Variants in TSHZ2 observed in about 807,000 individuals in gnomAD.
The protein encoded by TSHZ2 is teashirt homolog 2.
In TSHZ2, 21 loss-of-function variants were observed where a neutral mutation model predicts 74.4. The ratio of observed to expected loss-of-function variants is 0.28; its 90% confidence interval spans 0.20 to 0.41. The LOEUF is 0.41. Among genes scored for constraint, TSHZ2 ranks in the 10% least tolerant of loss-of-function variants. TSHZ2 has a pLI of 1.00. For synonymous variants in TSHZ2, 540 were observed against 515.3 expected (o/e 1.05, Z -0.65); for missense variants, 1,244 against 1,293.5 (o/e 0.96, Z 0.59).
chr20:53,468,688 C>CAAAAAAAAAA (rs1158529552), intron 2 of TSHZ2, among the ~76,000 whole-genome samples: 107 of 65,050 alleles, frequency 1.6e-3, no homozygotes, highest in Middle Eastern at 0.014. Flanking sequence ...CATTACGAGA[C>CAAAAAAAAAA]AAAAAAAAAA....
chr20:53,269,892 T>C (rs934779928), intron 2 of TSHZ2, among the ~76,000 whole-genome samples: 1 of 152,224 alleles, frequency 6.6e-6, no homozygotes, highest in Non-Finnish European at 1.5e-5. Context: ...TTAATTATAT[T>C]ATCAGTAACA....
intron 1 of TSHZ2, among the ~76,000 whole-genome samples, chr20:53,011,799 G>A (rs1273623190): frequency 1.3e-5 from 2 of 152,194 alleles, no homozygotes; most frequent in Non-Finnish European, 2.9e-5. Flanking sequence ...CCCCACAGCT[G>A]CCTTTGGAAG....
chr20:53,251,879 G>A (rs1023584739), intron 1 of TSHZ2, among the ~76,000 whole-genome samples: 4 of 152,068 alleles, frequency 2.6e-5, no homozygotes, highest in Admixed American at 6.5e-5. Flanking sequence ...TCTTCATTAG[G>A]TTGGCAATAC....
At chr20:53,050,036 G>T (rs1984368646) in intron 1 of TSHZ2, among the ~76,000 whole-genome samples, 1 of 148,460 alleles carries the variant, frequency 6.7e-6, no homozygotes, top group South Asian at 2.1e-4. Context: ...AGCTGAGATT[G>T]TGCCACTGCA....
chr20:53,099,935 T>G (rs990356218), intron 1 of TSHZ2, among the ~76,000 whole-genome samples: 43 of 152,304 alleles, frequency 2.8e-4, no homozygotes, highest in African/African-American at 8.9e-4. Context: ...CCTGGTCCTA[T>G]CATGATAATG....
intron 1 of TSHZ2, among the ~76,000 whole-genome samples, chr20:53,066,700 G>A (rs1394284786): frequency 1.3e-5 from 2 of 152,140 alleles, no homozygotes; most frequent in African/African-American, 2.4e-5. Context: ...TAGAGACGGG[G>A]TTTCACCATG....
chr20:53,244,470 T>C (rs568429297), intron 1 of TSHZ2, among the ~76,000 whole-genome samples: 1 of 152,304 alleles, frequency 6.6e-6, no homozygotes, highest in East Asian at 1.9e-4. Flanking sequence ...GTAAGGATAA[T>C]GTAAGGATAA....
intron 1 of TSHZ2, among the ~76,000 whole-genome samples, chr20:53,151,329 A>C (rs560959314): frequency 1.3e-5 from 2 of 152,356 alleles, no homozygotes; most frequent in East Asian, 3.9e-4. Context: ...TAATGGGTGT[A>C]GCTAAAGCTT....
At position 53,008,509 on chromosome 20, in the gene TSHZ2, T is replaced by C. The variant is rs144068905; in HGVS notation, c.40+35176T>C. On this transcript the variant is annotated intron_variant, in intron 1 of 2. Coordinates refer to ENST00000371497, the MANE Select transcript of TSHZ2 (RefSeq NM_173485.6). Reference sequence around the variant, plus strand: ...AGTCAGAAAAGAGAACTTTGGGGGATTGGATATTTTCAGCAAAGGGGCAAA... The same window carrying C: ...AGTCAGAAAAGAGAACTTTGGGGGACTGGATATTTTCAGCAAAGGGGCAAA... Among the ~76,000 whole-genome samples the C allele has an allele frequency of 4.5e-3, 687 of 152,000 alleles. 4 individuals are homozygous for C. The highest frequency in any genetic ancestry group is 0.016 in the African/African-American group (652 of 41,446).
At chr20:53,349,839 A>G (rs1344492672) in intron 2 of TSHZ2, among the ~76,000 whole-genome samples, 2 of 152,198 alleles carry the variant, frequency 1.3e-5, no homozygotes, top group Admixed American at 1.3e-4. Context: ...AAAGAAAACA[A>G]ATTCATTATC....
At chr20:53,422,715 C>G (rs1186021218) in intron 2 of TSHZ2, among the ~76,000 whole-genome samples, 1 of 151,910 alleles carries the variant, frequency 6.6e-6, no homozygotes, top group Non-Finnish European at 1.5e-5. Flanking sequence ...AATCTCGAGT[C>G]CAAAAAAATA....
chr20:53,155,759 G>T (rs1174303127), intron 1 of TSHZ2, among the ~76,000 whole-genome samples: 1 of 152,030 alleles, frequency 6.6e-6, no homozygotes, highest in Non-Finnish European at 1.5e-5. Context: ...TCAGGAGATG[G>T]GTTACCTGGT....
chr20:53,444,100 A>G (rs1158371214), intron 2 of TSHZ2, among the ~76,000 whole-genome samples: 1 of 152,164 alleles, frequency 6.6e-6, no homozygotes, highest in Non-Finnish European at 1.5e-5. Flanking sequence ...CAGGATGAGA[A>G]GTCACCCTAT....
intron 2 of TSHZ2, among the ~76,000 whole-genome samples, chr20:53,425,793 G>A (rs530536495): frequency 2.7e-4 from 39 of 146,292 alleles, no homozygotes; most frequent in Non-Finnish European, 5.2e-4. Flanking sequence ...GTCATAAAAC[G>A]TTCTTTTGTT....
chr20:53,494,856 T>C lies in TSHZ2; in HGVS notation c.*7721T>C, dbSNP rs1986543603. 1.3e-5 allele frequency: 2 copies of C among 152,264 alleles called. No homozygotes were observed. The highest frequency in any genetic ancestry group is 4.1e-4 in the South Asian group (2 of 4,830). The allele number at this position is 152,264 out of a possible 1,614,324, so 9.4% of individuals were successfully genotyped here. A position where few individuals can be genotyped will look rare whatever the true frequency, so the allele number is the denominator to read the frequency against. ...TGTTGAAAAAAAAAAAGTCTCTTTT[T>C]TTTCCCCCACTCAGCAGTTATTGGA... On this transcript the variant is annotated 3_prime_UTR_variant, in exon 3 of 3. Coordinates refer to ENST00000371497, the MANE Select transcript of TSHZ2 (RefSeq NM_173485.6).
intron 2 of TSHZ2, among the ~76,000 whole-genome samples, chr20:53,296,646 G>A (rs1991386304): frequency 6.6e-6 from 1 of 152,060 alleles, no homozygotes; most frequent in African/African-American, 2.4e-5. Flanking sequence ...TTCTTCCTTG[G>A]TCTGAGGTCA....
chr20:53,134,258 T>G (rs1458988637), intron 1 of TSHZ2, among the ~76,000 whole-genome samples: 1 of 152,226 alleles, frequency 6.6e-6, no homozygotes, highest in Non-Finnish European at 1.5e-5. Context: ...CATCTTCATT[T>G]TTATCTGGAA....
At chr20:53,394,491 A>G (rs923208963) in intron 2 of TSHZ2, among the ~76,000 whole-genome samples, 1 of 152,164 alleles carries the variant, frequency 6.6e-6, no homozygotes, top group African/African-American at 2.4e-5. Context: ...TATCTGCTAA[A>G]TATCTGCCAT....
rs569795602 is a variant in TSHZ2 at position 53,353,551 on chromosome 20, C to T, written c.*8+96980C>T. Among the ~76,000 whole-genome samples the T allele has an allele frequency of 3.3e-5, 5 of 152,252 alleles. No homozygotes were observed. The South Asian group carries it at 6.2e-4, about 19-fold the overall frequency. The stretch of plus-strand genomic sequence containing the variant: ...AGGCCATACAAGAATATTCCATAGA[C>T]CAAATACGTATTTTTTCATTGGCCT... On this transcript the variant is annotated intron_variant, in intron 2 of 2. Coordinates refer to ENST00000371497, the MANE Select transcript of TSHZ2 (RefSeq NM_173485.6).
Sources: allele counts gnomAD v4.1 joint callset (sites outside exome capture counted in the v4.1 genomes callset), GRCh38; gene constraint gnomAD v4.1.1; transcripts MANE v1.5; gene names NCBI Gene and HGNC (gene_info 2026-07-23, HGNC 2026-07-21).